LHFPL2: variants seen among roughly 807,000 people sequenced by gnomAD.
The protein encoded by LHFPL2 is LHFPL tetraspan subfamily member 2.
LHFPL2 carries 7 observed loss-of-function variants against 17.5 expected under a neutral mutation model. The observed-to-expected ratio is 0.40, with a 90% CI of 0.23 to 0.75. The LOEUF is 0.75. Ranked by LOEUF, LHFPL2 falls within the 30% of genes least tolerant of loss-of-function variation. The pLI is 0.37. For synonymous variants in LHFPL2, 134 were observed against 116.2 expected, an observed-to-expected ratio of 1.15 and a Z score of -0.99; for missense variants, 241 against 294.8, an observed-to-expected ratio of 0.82 and a Z score of 1.34.
At chr5:78,541,555 A>T (rs1756114559) in intron 3 of LHFPL2, among the ~76,000 whole-genome samples, 1 of 152,206 alleles carries the variant, frequency 6.6e-6, no homozygotes, top group Non-Finnish European at 1.5e-5. Context: ...GGAGCTCATG[A>T]CTGAGCTGGT....
chr5:78,588,953 G>A (rs1743529317), intron 2 of LHFPL2, among the ~76,000 whole-genome samples: 1 of 152,154 alleles, frequency 6.6e-6, no homozygotes, highest in Admixed American at 6.5e-5. Flanking sequence ...TAAGAAAAGG[G>A]GAGGGACTAA....
chr5:78,509,414 C>G lies in LHFPL2; in HGVS notation c.430+370G>C, dbSNP rs1025345962. On this transcript the variant is annotated intron_variant, in intron 4 of 4. Transcript: ENST00000380345. ...AAGTGCTTGCTGCAGGTGGGACTCACGCTCTCCATAATTCCTCAGGGAGTT... is the reference window on the plus strand; with the variant it reads ...AAGTGCTTGCTGCAGGTGGGACTCAGGCTCTCCATAATTCCTCAGGGAGTT... Among the ~76,000 whole-genome samples the G allele has an allele frequency of 7.2e-5, 11 of 152,310 alleles. No individual in the cohort carries two copies. In the South Asian group the frequency reaches 8.3e-4, roughly 11 times the overall value.
chr5:78,638,252 G>A (rs1745528758), intron 1 of LHFPL2, among the ~76,000 whole-genome samples: 1 of 152,196 alleles, frequency 6.6e-6, no homozygotes, highest in South Asian at 2.1e-4. Context: ...CTATTCGGGA[G>A]GCTGAGGCAG....
At chr5:78,585,979 G>A (rs1743377946) in intron 2 of LHFPL2, among the ~76,000 whole-genome samples, 1 of 152,158 alleles carries the variant, frequency 6.6e-6, no homozygotes, top group Non-Finnish European at 1.5e-5. Context: ...AATGTGGAAG[G>A]AGTAATAAGG....
At chr5:78,509,678 G>A in intron 4 of LHFPL2, 106 bp downstream of exon 4, 3 of 1,122,976 alleles carry the variant, frequency 2.7e-6, no homozygotes, top group Admixed American at 2.2e-5. Flanking sequence ...GACAGAAAGT[G>A]GTCTTCTCCA....
intron 3 of LHFPL2, among the ~76,000 whole-genome samples, chr5:78,518,316 C>G (rs951746422): frequency 1.3e-5 from 2 of 152,198 alleles, no homozygotes; most frequent in Non-Finnish European, 2.9e-5. Flanking sequence ...CACCTATAAT[C>G]CCAACACTTT....
chr5:78,641,906 T>TACACACATACACACACAC (rs1554061965), intron 1 of LHFPL2: 1 of 107,690 alleles, frequency 9.3e-6, no homozygotes, highest in Non-Finnish European at 1.8e-5. Flanking sequence ...ATGTACAGTA[T>TACACACATACACACACAC]ACACACACAC....
intron 1 of LHFPL2, among the ~76,000 whole-genome samples, chr5:78,646,591 G>A (rs1745887722): frequency 6.6e-6 from 1 of 152,104 alleles, no homozygotes; most frequent in African/African-American, 2.4e-5. Flanking sequence ...TCCTATATTT[G>A]GGTTTACCAC....
intron 4 of LHFPL2, chr5:78,494,647 T>C: frequency 3.0e-6 from 1 of 337,762 alleles, no homozygotes; most frequent in Non-Finnish European, 4.2e-6. Flanking sequence ...CATGGTATTG[T>C]ATTGGGATAG....
At chr5:78,607,981 C>T (rs1188179087) in intron 2 of LHFPL2, among the ~76,000 whole-genome samples, 1 of 152,092 alleles carries the variant, frequency 6.6e-6, no homozygotes, top group African/African-American at 2.4e-5. Flanking sequence ...GATATCCTTA[C>T]CATTAGATGA....
At chr5:78,601,918 G>T (rs1479218526) in intron 2 of LHFPL2, among the ~76,000 whole-genome samples, 1 of 152,154 alleles carries the variant, frequency 6.6e-6, no homozygotes, top group Non-Finnish European at 1.5e-5. Context: ...TACTGCTGCT[G>T]TCAGTAGGAA....
At chr5:78,512,442 C>T (rs1755160157) in intron 3 of LHFPL2, among the ~76,000 whole-genome samples, 2 of 151,002 alleles carry the variant, frequency 1.3e-5, no homozygotes, top group Non-Finnish European at 1.5e-5. Flanking sequence ...ATATCCTACT[C>T]CGACTCACTC....
At chr5:78,582,460 C>T (rs376212220) in intron 2 of LHFPL2, among the ~76,000 whole-genome samples, 33 of 150,190 alleles carry the variant, frequency 2.2e-4, no homozygotes, top group East Asian at 1.8e-3. Flanking sequence ...GCTTTGAATG[C>T]GTCCCAGAGA....
rs561437969 is a variant in LHFPL2, at chr5:78,489,920, G to A, written c.431-767C>T. Among the ~76,000 whole-genome samples the A allele has an allele frequency of 9.2e-5, 14 of 152,220 alleles. No homozygotes were observed. In the East Asian group the frequency reaches 2.7e-3, roughly 29 times the overall value. On this transcript the variant is annotated intron_variant, in intron 4 of 4. Transcript: ENST00000380345. ...CTGCAGAAAGAGTTTGCCAACTCCT[G>A]GTCTAAGGAAATTCACACAGAACCA... is the stretch of plus-strand genomic sequence containing the variant.
intron 2 of LHFPL2, among the ~76,000 whole-genome samples, chr5:78,623,702 C>T (rs531324682): frequency 6.6e-6 from 1 of 152,284 alleles, no homozygotes; most frequent in Admixed American, 6.5e-5. Flanking sequence ...ATCAAGTTTT[C>T]CCCACATGTA....
At chr5:78,577,412 G>T (rs1457536500) in intron 2 of LHFPL2, among the ~76,000 whole-genome samples, 1 of 152,120 alleles carries the variant, frequency 6.6e-6, no homozygotes, top group Non-Finnish European at 1.5e-5. Context: ...CTTGACTTGT[G>T]ATTTTATTTC....
At position 78,591,471 on chromosome 5, in the gene LHFPL2, G is replaced by A. The variant is rs768473539; in HGVS notation, c.-244-26600C>T. Among the ~76,000 whole-genome samples the A allele has an allele frequency of 1.8e-3, 273 of 152,246 alleles. 4 individuals carry two copies. Among genetic ancestry groups the A allele is most frequent in the Non-Finnish European group, 4.1e-4 (28 of 68,020 alleles). On this transcript the variant is annotated intron_variant, in intron 2 of 4. Transcript: ENST00000380345. ...CTGGTAAGACTCTAGGAGAAAAGACGAGTCATAATTTGCCATTGCTTTTCA... is the reference window on the plus strand; with the variant it reads ...CTGGTAAGACTCTAGGAGAAAAGACAAGTCATAATTTGCCATTGCTTTTCA...
chr5:78,599,492 G>A (rs1450275989), intron 2 of LHFPL2, among the ~76,000 whole-genome samples: 3 of 145,714 alleles, frequency 2.1e-5, no homozygotes, highest in East Asian at 4.0e-4. Context: ...TTTTTTTTTA[G>A]TAGAGACAGG....
intron 3 of LHFPL2, among the ~76,000 whole-genome samples, chr5:78,554,676 A>G (rs1465226121): frequency 1.3e-5 from 2 of 152,260 alleles, no homozygotes; most frequent in Non-Finnish European, 2.9e-5. Context: ...TTTTCAGCAA[A>G]TAAAACACTG....
Sources: gnomAD v4.1 joint callset for allele counts (sites outside exome capture counted in the v4.1 genomes callset) on GRCh38, gnomAD v4.1.1 for gene constraint, MANE v1.5 for transcripts, NCBI Gene and HGNC (gene_info 2026-07-23, HGNC 2026-07-21) for gene names.